The following KANK1 variants were observed in gnomAD, a reference collection of about 807,000 sequenced individuals.
The protein encoded by KANK1 is KN motif and ankyrin repeat domains 1, also known as KN motif and ankyrin repeat domain-containing protein 1.
In KANK1, 109 loss-of-function variants were observed where a neutral mutation model predicts 106.2. That is an observed-to-expected ratio of 1.03 (90% CI 0.88 to 1.20). KANK1 has a LOEUF of 1.20. KANK1 is among the 50% of genes most tolerant of loss of function. The pLI, the probability that KANK1 is intolerant of heterozygous loss-of-function variation, is 0.00. For synonymous variants in KANK1, 873 were observed against 652.2 expected (o/e 1.34, Z -5.16); for missense variants, 2,399 against 1,710.7 (o/e 1.40, Z -7.10).
At chr9:675,403 G>A (rs541439110) in intron 1 of KANK1, among the ~76,000 whole-genome samples, 10 of 152,182 alleles carry the variant, frequency 6.6e-5, no homozygotes, top group African/African-American at 1.7e-4. Flanking sequence ...TCAGAGTTTG[G>A]GCACAATGGA....
chr9:698,445 T>G (rs1220347705), intron 2 of KANK1, among the ~76,000 whole-genome samples: 4 of 152,192 alleles, frequency 2.6e-5, no homozygotes. Flanking sequence ...CCATCACTTT[T>G]CTCTGCGGTG....
At chr9:682,755 G>T (rs1384054589) in intron 2 of KANK1, among the ~76,000 whole-genome samples, 2 of 152,130 alleles carry the variant, frequency 1.3e-5, no homozygotes, top group Non-Finnish European at 2.9e-5. Flanking sequence ...CTGTTGTGGG[G>T]CTTGAATCTC....
chr9:537,882 C>T (rs1023559915), intron 1 of KANK1, among the ~76,000 whole-genome samples: 2 of 152,194 alleles, frequency 1.3e-5, no homozygotes, highest in African/African-American at 2.4e-5. Context: ...TTCTATTTTA[C>T]TTATTTTCGT....
Position 712,411 on chromosome 9 carries a change from A to G in KANK1, c.1645A>G (p.Ile549Val). ...CTCCGTGGAAACAAACAGTGTAGGC[A>G]TCTCCTGCCAGCCTGAATGTAAGAA... is the stretch of plus-strand genomic sequence containing the variant. ...GTSVETNSVG[I>V]SCQPECKNKV... The change falls in exon 3 of 12, where the codon ATC (isoleucine) becomes GTC (valine). Residue 549 changes from isoleucine (I) to valine (V), a missense_variant. Physicochemically the swap from Ile to Val is conservative, Grantham distance 29 (BLOSUM62 3). Transcript: ENST00000382297. The G allele has an allele frequency of 6.2e-7, 1 of 1,614,164 alleles. No homozygotes were observed. Among genetic ancestry groups the G allele is most frequent in the Non-Finnish European group, 8.5e-7 (1 of 1,180,034 alleles).
chr9:534,254 G>C (rs1165238341), intron 1 of KANK1, among the ~76,000 whole-genome samples: 2 of 152,220 alleles, frequency 1.3e-5, no homozygotes, highest in Non-Finnish European at 1.5e-5. Flanking sequence ...TCCAGCTTGT[G>C]AATGTTGAAC....
chr9:631,085 G>A (rs983243380), intron 1 of KANK1, among the ~76,000 whole-genome samples: 2 of 152,164 alleles, frequency 1.3e-5, no homozygotes, highest in South Asian at 4.1e-4. Flanking sequence ...GGAGTGATAT[G>A]TGTCTTTTGC....
intron 1 of KANK1, among the ~76,000 whole-genome samples, chr9:562,256 G>T (rs1039871472): frequency 1.3e-5 from 2 of 151,098 alleles, no homozygotes; most frequent in Non-Finnish European, 3.0e-5. Flanking sequence ...GTTTCACCTT[G>T]TTAGCCAGGA....
At chr9:542,018 G>C (rs974070059) in intron 1 of KANK1, among the ~76,000 whole-genome samples, 1 of 151,806 alleles carries the variant, frequency 6.6e-6, no homozygotes, top group Non-Finnish European at 1.5e-5. Context: ...GAACCCGGGA[G>C]GCGGAGCTTG....
intron 1 of KANK1, among the ~76,000 whole-genome samples, chr9:673,100 C>T (rs958039731): frequency 4.6e-5 from 7 of 152,022 alleles, no homozygotes; most frequent in African/African-American, 1.7e-4. Flanking sequence ...TTTGAGGCCG[C>T]CTGTCAGCAT....
In KANK1 at chr9:745,210, C is replaced by A; in HGVS notation, c.4034C>A (p.Pro1345His). Residue 1345 changes from proline (P) to histidine (H), a missense_variant, in exon 12 of 12, where the codon CCC becomes CAC. Coordinates refer to ENST00000382297, the MANE Select transcript of KANK1 (RefSeq NM_015158.5). ...PRLGRKTSPGPTHRGSFD is the reference protein window; with the variant it reads ...PRLGRKTSPGHTHRGSFD Reference sequence around the variant, plus strand: ...CTTGGAAGGAAGACGTCTCCTGGCCCCACCCACCGAGGTTCATTTGATTGA... The same window carrying A: ...CTTGGAAGGAAGACGTCTCCTGGCCACACCCACCGAGGTTCATTTGATTGA... The A allele has an allele frequency of 6.2e-7, 1 of 1,614,068 alleles. No homozygotes were observed.
At chr9:620,339 G>A (rs1031843497) in intron 1 of KANK1, among the ~76,000 whole-genome samples, 3 of 152,002 alleles carry the variant, frequency 2.0e-5, no homozygotes, top group African/African-American at 7.3e-5. Flanking sequence ...AATAAAACCT[G>A]CTTTCTTGGG....
chr9:638,018 A>G (rs1837547581), intron 1 of KANK1, among the ~76,000 whole-genome samples: 1 of 152,188 alleles, frequency 6.6e-6, no homozygotes, highest in African/African-American at 2.4e-5. Context: ...GAATGGCTGT[A>G]GAAGTGCCAG....
intron 1 of KANK1, among the ~76,000 whole-genome samples, chr9:654,982 A>T (rs1004230500): frequency 2.0e-5 from 3 of 152,102 alleles, no homozygotes; most frequent in Non-Finnish European, 4.4e-5. Context: ...TAGCAGTTGG[A>T]ATCTCCTGGA....
intron 1 of KANK1, among the ~76,000 whole-genome samples, chr9:548,570 C>T (rs2061077398): frequency 1.3e-5 from 2 of 152,086 alleles, no homozygotes; most frequent in African/African-American, 4.8e-5. Context: ...TTTGTGACTT[C>T]TGTGAAAAAA....
intron 5 of KANK1, 32 bp from the exon 6 acceptor site, chr9:732,346 T>C (rs1832535663): frequency 1.3e-6 from 2 of 1,596,724 alleles, no homozygotes. Flanking sequence ...TGAGCACACC[T>C]TGCATCTCCT....
rs753013108 is a variant in KANK1 at position 712,434 on chromosome 9, G to T, written c.1668G>T (p.Lys556Asn). ...GCATCTCCTGCCAGCCTGAATGTAA[G>T]AATAAAGTCGTAGGGCCTGAGCTGC... Reference protein sequence around the residue: ...SVGISCQPECKNKVVGPELPM... With the variant: ...SVGISCQPECNNKVVGPELPM... Residue 556 changes from lysine to asparagine, a missense_variant, in exon 3 of 12, where the codon AAG (lysine) becomes AAT (asparagine). Lys to Asn is a moderately conservative substitution (Grantham distance 94, BLOSUM62 0). Coordinates refer to ENST00000382297, the MANE Select transcript of KANK1 (RefSeq NM_015158.5). 6.2e-7 allele frequency: 1 copy of T among 1,614,200 alleles called. No individual in the cohort carries two copies. The highest frequency in any genetic ancestry group is 1.7e-5 in the Admixed American group (1 of 60,024).
intron 1 of KANK1, chr9:549,114 G>C (rs2061114622): frequency 6.6e-6 from 1 of 151,272 alleles, no homozygotes; most frequent in African/African-American, 2.4e-5. Context: ...CAGAAAAACA[G>C]GACAAAGAAA....
intron 1 of KANK1, among the ~76,000 whole-genome samples, chr9:664,686 A>G (rs1446945617): frequency 6.6e-6 from 1 of 152,214 alleles, no homozygotes; most frequent in Non-Finnish European, 1.5e-5. Context: ...TTTTAGAGAA[A>G]TACTCAGTAG....
chr9:623,054 A>C (rs1266886461), intron 1 of KANK1, among the ~76,000 whole-genome samples: 1 of 152,192 alleles, frequency 6.6e-6, no homozygotes, highest in Admixed American at 6.5e-5. Flanking sequence ...AAAACATACA[A>C]GTGGGACTAC....
Sources: gnomAD v4.1 joint callset for allele counts (sites outside exome capture counted in the v4.1 genomes callset) on GRCh38, gnomAD v4.1.1 for gene constraint, MANE v1.5 for transcripts, NCBI Gene and HGNC (gene_info 2026-07-23, HGNC 2026-07-21) for gene names.